Variants in SDK1 observed in about 807,000 individuals in gnomAD.
SDK1 encodes protein sidekick-1.
Under a neutral mutation model 245.5 loss-of-function variants are expected in SDK1, and 157 were observed. That is an observed-to-expected ratio of 0.64 (90% CI 0.56 to 0.73). SDK1 has a LOEUF of 0.73. SDK1 is among the 30% of genes least tolerant of loss of function. SDK1 has a pLI of 0.00. For synonymous variants in SDK1, 1,647 were observed against 1,278.5 expected (o/e 1.29, Z -6.15); for missense variants, 3,583 against 3,002.3 (o/e 1.19, Z -4.52).
chr7:3,413,876 C>T lies in SDK1; in HGVS notation c.298+111992C>T, dbSNP rs930167982. ...TGGCACATGTTTGTGGTCCCAGCTA[C>T]TTGGGAGGATTGCTTGAGCCCAGGA... On this transcript the variant is annotated intron_variant, in intron 1 of 44. Coordinates refer to ENST00000404826, the MANE Select transcript of SDK1 (RefSeq NM_152744.4). 2.6e-5 allele frequency among the ~76,000 whole-genome samples: 4 copies of T among 152,166 alleles called. No homozygotes were observed. In the East Asian group the frequency reaches 7.7e-4, roughly 29 times the overall value.
chr7:4,202,228 G>T (rs560416889), intron 35 of SDK1, among the ~76,000 whole-genome samples: 2 of 152,278 alleles, frequency 1.3e-5, no homozygotes, highest in South Asian at 4.1e-4. Flanking sequence ...GTGTCCACCT[G>T]TCCCTCAGCC....
intron 1 of SDK1, among the ~76,000 whole-genome samples, chr7:3,613,143 C>G (rs940180490): frequency 6.6e-6 from 1 of 152,064 alleles, no homozygotes; most frequent in African/African-American, 2.4e-5. Context: ...TCAGATGATA[C>G]GACTTAATTT....
chr7:3,953,264 T>C (rs1780978079), intron 7 of SDK1, among the ~76,000 whole-genome samples: 1 of 152,248 alleles, frequency 6.6e-6, no homozygotes, highest in African/African-American at 2.4e-5. Flanking sequence ...CCCATTCCTT[T>C]AATCATTAGG....
chr7:3,814,745 G>A (rs1208149849), intron 4 of SDK1, among the ~76,000 whole-genome samples: 1 of 151,090 alleles, frequency 6.6e-6, no homozygotes, highest in Admixed American at 6.6e-5. Context: ...CTACCCATGA[G>A]CATGGAATGT....
intron 1 of SDK1, among the ~76,000 whole-genome samples, chr7:3,572,309 A>G (rs772487613): frequency 2.6e-5 from 4 of 151,988 alleles, no homozygotes; most frequent in South Asian, 2.1e-4. Context: ...TTTTTGATTG[A>G]TGGCAGTTCT....
At chr7:3,562,232 A>G (rs1208099608) in intron 1 of SDK1, among the ~76,000 whole-genome samples, 1 of 152,232 alleles carries the variant, frequency 6.6e-6, no homozygotes, top group East Asian at 1.9e-4. Context: ...ACCGTATTCT[A>G]CCGTTTCCAA....
chr7:3,465,247 C>G (rs1469630054), intron 1 of SDK1, among the ~76,000 whole-genome samples: 1 of 152,144 alleles, frequency 6.6e-6, no homozygotes, highest in Non-Finnish European at 1.5e-5. Flanking sequence ...GCCCTCCTGC[C>G]CAGTTGGCCA....
chr7:3,778,683 C>G (rs183184166), intron 4 of SDK1, among the ~76,000 whole-genome samples: 14 of 152,288 alleles, frequency 9.2e-5, no homozygotes, highest in African/African-American at 3.4e-4. Context: ...GTTCCGTAAA[C>G]TAAAATATAT....
chr7:4,044,625 T>C (rs561166492), intron 17 of SDK1, among the ~76,000 whole-genome samples: 81 of 152,054 alleles, frequency 5.3e-4, no homozygotes, highest in African/African-American at 1.9e-3. Flanking sequence ...TTTACTTTTG[T>C]AGAGACAGAT....
intron 22 of SDK1, among the ~76,000 whole-genome samples, chr7:4,083,665 T>C (rs1383106943): frequency 1.7e-4 from 1 of 5,842 alleles, no homozygotes; most frequent in Non-Finnish European, 3.6e-4. Context: ...CCCTCCCTTC[T>C]TTCCTCCCTC....
At chr7:4,185,665 A>C (rs528804623) in intron 35 of SDK1, among the ~76,000 whole-genome samples, 36 of 152,328 alleles carry the variant, frequency 2.4e-4, no homozygotes, top group African/African-American at 8.2e-4. Flanking sequence ...CCTCTGCTCC[A>C]GAACATGCCA....
At chr7:3,719,011 A>G (rs945184568) in intron 4 of SDK1, among the ~76,000 whole-genome samples, 1 of 152,176 alleles carries the variant, frequency 6.6e-6, no homozygotes, top group Non-Finnish European at 1.5e-5. Context: ...CAATAATACA[A>G]TGCCATTTAT....
chr7:3,707,695 G>C (rs563805841), intron 4 of SDK1, among the ~76,000 whole-genome samples: 1 of 152,236 alleles, frequency 6.6e-6, no homozygotes, highest in African/African-American at 2.4e-5. Context: ...CATCTCTTAG[G>C]TCTAATAGTA....
At chr7:4,122,039 A>G (rs1247655622) in intron 25 of SDK1, among the ~76,000 whole-genome samples, 1 of 152,030 alleles carries the variant, frequency 6.6e-6, no homozygotes, top group Non-Finnish European at 1.5e-5. Context: ...CCCCTCTTAG[A>G]CCAGTCTCTC....
intron 4 of SDK1, among the ~76,000 whole-genome samples, chr7:3,767,933 A>G (rs1780300984): frequency 6.6e-6 from 1 of 152,238 alleles, no homozygotes; most frequent in African/African-American, 2.4e-5. Context: ...GCCAGTTACT[A>G]TCTTAAGCCA....
chr7:3,671,137 C>G (rs1783689920), intron 4 of SDK1, among the ~76,000 whole-genome samples: 1 of 152,116 alleles, frequency 6.6e-6, no homozygotes, highest in Non-Finnish European at 1.5e-5. Flanking sequence ...TGGTCTTATC[C>G]AAGTCATTAC....
At chr7:4,069,709 C>T (rs1780124613) in intron 20 of SDK1, among the ~76,000 whole-genome samples, 1 of 152,208 alleles carries the variant, frequency 6.6e-6, no homozygotes, top group South Asian at 2.1e-4. Flanking sequence ...GGGTTGGGGG[C>T]CGTTTCTTCT....
chr7:3,773,990 G>C (rs577969208), intron 4 of SDK1, among the ~76,000 whole-genome samples: 1 of 152,206 alleles, frequency 6.6e-6, no homozygotes, highest in South Asian at 2.1e-4. Context: ...CAAGGTGGGT[G>C]GATCACGAGG....
At chr7:3,376,888 C>A (rs1336350133) in intron 1 of SDK1, among the ~76,000 whole-genome samples, 1 of 152,060 alleles carries the variant, frequency 6.6e-6, no homozygotes, top group Non-Finnish European at 1.5e-5. Flanking sequence ...TATTGTCTCT[C>A]TTTCCAGTTC....
Sources: allele counts gnomAD v4.1 joint callset (sites outside exome capture counted in the v4.1 genomes callset), GRCh38; gene constraint gnomAD v4.1.1; transcripts MANE v1.5; gene names NCBI Gene and HGNC (gene_info 2026-07-23, HGNC 2026-07-21).